ZNF333: variants seen among roughly 807,000 people sequenced by gnomAD.
The protein encoded by ZNF333 is zinc finger protein 333.
In ZNF333, 61 loss-of-function variants were observed where a neutral mutation model predicts 76.1. The ratio of observed to expected loss-of-function variants is 0.80; its 90% CI spans 0.65 to 0.99. The LOEUF is 0.99. ZNF333 is among the 50% of genes least tolerant of loss of function. The pLI is 0.00. For synonymous variants in ZNF333, 284 were observed against 305.0 expected (o/e 0.93, Z 0.72); for missense variants, 717 against 822.4 (o/e 0.87, Z 1.57).
In ZNF333 at chr19:14,694,461, A is replaced by G. The variant is rs538485788; in HGVS notation, c.4-549A>G. Among the ~76,000 whole-genome samples, 1,095 of 128,702 alleles carry G rather than the reference A, an allele frequency of 8.5e-3. 14 individuals carry two copies. The highest frequency in any genetic ancestry group is 0.035 in the African/African-American group (1,053 of 30,496). The allele number at this position is 128,702 out of a possible 152,430, so 84.4% of individuals were successfully genotyped here. A position where few individuals can be genotyped will look rare whatever the true frequency, so the allele number is the denominator to read the frequency against. The stretch of plus-strand genomic sequence containing the variant: ...GCACTCCAGCCTGGACGACAGAGCA[A>G]GACTGTCTCAAAAAAAAAAAAGAAA... On this transcript the variant is annotated intron_variant, in intron 2 of 11. Transcript: ENST00000292530.
At chr19:14,702,136 A>G (rs752509649) in intron 5 of ZNF333, among the ~76,000 whole-genome samples, 5 of 152,142 alleles carry the variant, frequency 3.3e-5, no homozygotes, top group Non-Finnish European at 5.9e-5. Context: ...CCAGGGACAG[A>G]TTGAGTCCCC....
Position 14,716,100 on chromosome 19 carries a change from T to C in ZNF333, c.601-12T>C. 1 of 1,613,896 alleles carries C rather than the reference T, an allele frequency of 6.2e-7. No individual in the cohort carries two copies. The highest frequency in any genetic ancestry group is 8.5e-7 in the Non-Finnish European group (1 of 1,179,898). ...TGGTCCCTGGCTGAGCCGGGATGGA[T>C]GTGTGTTTTAGGAACCAGTCACCTT... On this transcript the variant is annotated splice_polypyrimidine_tract_variant and intron_variant, in intron 8 of 11. Coordinates refer to ENST00000292530, the MANE Select transcript of ZNF333 (RefSeq NM_032433.4).
At chr19:14,704,620 C>T (rs542114964) in intron 5 of ZNF333, among the ~76,000 whole-genome samples, 3 of 152,326 alleles carry the variant, frequency 2.0e-5, no homozygotes, top group South Asian at 2.1e-4. Context: ...GAACAAGTCA[C>T]GTCTTACATG....
intron 7 of ZNF333, among the ~76,000 whole-genome samples, chr19:14,711,694 G>A (rs10413590): frequency 0.023 from 3,526 of 152,218 alleles, 156 homozygotes; most frequent in African/African-American, 0.079. Context: ...TTATATTGAG[G>A]AGGTTGAGTT....
At position 14,729,647 on chromosome 19, in the gene ZNF333, C is replaced by T. The variant is rs190732599; in HGVS notation, c.901-1528C>T. Reference sequence around the variant, plus strand: ...GGATTATGGTGTGAACCACTGCGCCCGGTGGGATACAAATTTCAGTTAGAC... The same window carrying T: ...GGATTATGGTGTGAACCACTGCGCCTGGTGGGATACAAATTTCAGTTAGAC... On this transcript the variant is annotated intron_variant, in intron 11 of 11. Coordinates refer to the ZNF333 transcript ENST00000540689. Among the ~76,000 whole-genome samples the T allele has an allele frequency of 7.9e-4, 120 of 152,098 alleles. 1 individual carries two copies. The highest frequency in any genetic ancestry group is 3.4e-3 in the Middle Eastern group (1 of 294).
At chr19:14,733,633 C>T (rs1436144483) in exon 12 of ZNF333, 1 of 152,238 alleles carries the variant, frequency 6.6e-6, no homozygotes, top group Non-Finnish European at 1.5e-5. Flanking sequence ...GAAACTCTCC[C>T]ACCCTAAATC....
At chr19:14,705,503 A>G (rs2146979831) in intron 6 of ZNF333, among the ~76,000 whole-genome samples, 1 of 152,276 alleles carries the variant, frequency 6.6e-6, no homozygotes, top group Admixed American at 6.5e-5. Flanking sequence ...GGCAGGTCCT[A>G]TGACCTGAGG....
intron 4 of ZNF333, among the ~76,000 whole-genome samples, chr19:14,696,263 G>T (rs984713415): frequency 6.6e-6 from 1 of 152,142 alleles, no homozygotes; most frequent in African/African-American, 2.4e-5. Context: ...TCACAACCTT[G>T]TGTAAACATC....
chr19:14,710,863 A>G (rs1018813821), intron 7 of ZNF333, among the ~76,000 whole-genome samples: 8 of 152,180 alleles, frequency 5.3e-5, no homozygotes, highest in Non-Finnish European at 1.2e-4. Context: ...CACGGCACCA[A>G]CATCTGCTCC....
intron 7 of ZNF333, chr19:14,709,336 CGCCCTACTG>C (rs2042211425): frequency 6.6e-6 from 1 of 152,206 alleles, no homozygotes; most frequent in Non-Finnish European, 1.5e-5. Context: ...GGCTAGGGCC[CGCCCTACTG>C]ACATCATTTT....
intron 7 of ZNF333, among the ~76,000 whole-genome samples, chr19:14,712,704 C>T (rs1568547230): frequency 6.6e-6 from 1 of 152,120 alleles, no homozygotes; most frequent in East Asian, 1.9e-4. Flanking sequence ...CCCGTCTCTG[C>T]CTGTGTTGCC....
At chr19:14,697,357 C>CTTTTTTTTTTTTTTTTTTTTT (rs139125023) in intron 4 of ZNF333, among the ~76,000 whole-genome samples, 2 of 90,828 alleles carry the variant, frequency 2.2e-5, no homozygotes, top group African/African-American at 4.4e-5. Flanking sequence ...TTTTTCTTTT[C>CTTTTTTTTTTTTTTTTTTTTT]TTTTTTTTTT....
intron 7 of ZNF333, 53 bp from the exon 8 acceptor site, chr19:14,715,329 G>A (rs2042397759): frequency 6.4e-7 from 1 of 1,553,696 alleles, no homozygotes. Flanking sequence ...GGGCCTGTGA[G>A]TGTGCCCAGT....
intron 1 of ZNF333, among the ~76,000 whole-genome samples, chr19:14,691,819 G>A (rs2146941693): frequency 6.6e-6 from 1 of 152,010 alleles, no homozygotes; most frequent in South Asian, 2.1e-4. Context: ...TGTGATTATA[G>A]GCGCCCGCCA....
chr19:14,719,586 T>C lies in ZNF333; in HGVS notation c.*261T>C, dbSNP rs564871084. On this transcript the variant is annotated 3_prime_UTR_variant, in exon 12 of 12. Coordinates refer to ENST00000292530, the MANE Select transcript of ZNF333 (RefSeq NM_032433.4). ...CATCTGAAGTGTACAGTTGGATGAG[T>C]TTGACAGATGCATACATGCATGTAA... The C allele has an allele frequency of 7.1e-6, 8 of 1,130,390 alleles. No homozygotes were observed. The South Asian group carries it at 1.9e-4, about 27-fold the overall frequency. 70.0% of individuals were successfully genotyped at this position (1,130,390 alleles called of 1,614,324 possible). A position where few individuals can be genotyped will look rare whatever the true frequency, so the allele number is the denominator to read the frequency against.
intron 10 of ZNF333, 177 bp downstream of exon 10, chr19:14,717,266 A>G: frequency 1.7e-6 from 1 of 572,288 alleles, no homozygotes; most frequent in Non-Finnish European, 3.1e-6. Context: ...AATCTCTAAA[A>G]CTTTGCATTC....
At chr19:14,699,104 G>A (rs1181779963) in intron 4 of ZNF333, 95 bp from the exon 5 acceptor site, 5 of 929,888 alleles carry the variant, frequency 5.4e-6, no homozygotes, top group African/African-American at 1.7e-5. Flanking sequence ...TGTATAGTGT[G>A]TATATATATT....
chr19:14,710,340 G>T (rs1474901246), intron 7 of ZNF333, among the ~76,000 whole-genome samples: 1 of 152,246 alleles, frequency 6.6e-6, no homozygotes, highest in Non-Finnish European at 1.5e-5. Context: ...AATGGTGCTG[G>T]TCTAGACTTG....
intron 6 of ZNF333, among the ~76,000 whole-genome samples, chr19:14,705,859 C>T (rs914981486): frequency 7.9e-5 from 12 of 152,304 alleles, no homozygotes; most frequent in African/African-American, 2.9e-4. Context: ...AAACCATACC[C>T]CTACCCTGCT....
Sources: gnomAD v4.1 joint callset for allele counts (sites outside exome capture counted in the v4.1 genomes callset) on GRCh38, gnomAD v4.1.1 for gene constraint, MANE v1.5 for transcripts, NCBI Gene and HGNC (gene_info 2026-07-23, HGNC 2026-07-21) for gene names.